RMDN3: variants seen among roughly 807,000 people sequenced by gnomAD.
RMDN3 encodes the protein regulator of microtubule dynamics protein 3.
A neutral mutation model predicts 61.8 loss-of-function variants in RMDN3; 41 were observed. That is an observed-to-expected ratio of 0.66 (90% confidence interval 0.52 to 0.86). RMDN3 has a LOEUF of 0.86. Among genes scored for constraint, RMDN3 ranks in the 40% least tolerant of loss-of-function variants. The pLI is 0.00. For missense variants in RMDN3, 557 were observed against 585.3 expected (o/e 0.95, Z 0.50); for synonymous variants, 247 against 232.0 (o/e 1.06, Z -0.59).
chr15:40,747,031 C>T (rs763741283), intron 4 of RMDN3, among the ~76,000 whole-genome samples: 3 of 152,160 alleles, frequency 2.0e-5, no homozygotes, highest in Non-Finnish European at 4.4e-5. Flanking sequence ...AAAATCAAAC[C>T]AGAGTCTCCT....
chr15:40,738,544 T>C lies in RMDN3; in HGVS notation c.1004A>G (p.His335Arg), dbSNP rs1199628441. The C allele has an allele frequency of 5.0e-6, 8 of 1,614,134 alleles. No homozygotes were observed. The South Asian group carries it at 6.6e-5, about 13-fold the overall frequency. Residue 335 changes from histidine (H) to arginine (R), a missense_variant, in exon 8 of 13, where the codon CAT becomes CGT. His to Arg is a conservative substitution (Grantham distance 29, BLOSUM62 0). Coordinates refer to ENST00000338376, the MANE Select transcript of RMDN3 (RefSeq NM_018145.3). ...CTGGATGCGCCTCTGGATGCTCTCA[T>C]GCTCAGCCAGCTGACCACAAAGCAC... is the stretch of plus-strand genomic sequence containing the variant. ...YAVLCGQLAE[H>R]ESIQRRIQSG...
chr15:40,754,937 C>G (rs898119158), intron 1 of RMDN3, 146 bp downstream of exon 1: 7 of 643,974 alleles, frequency 1.1e-5, no homozygotes, highest in African/African-American at 3.7e-5. Context: ...CTCTCGACTA[C>G]GTGCACCCCA....
chr15:40,752,312 C>T, intron 2 of RMDN3, 134 bp from the exon 3 acceptor site: 4 of 850,676 alleles, frequency 4.7e-6, no homozygotes, highest in Non-Finnish European at 7.1e-6. Flanking sequence ...CACACGTTCA[C>T]AGCCAGGTCA....
Position 40,736,517 on chromosome 15 carries a change from G to A in RMDN3, c.*24C>T. 4.3e-6 allele frequency: 7 copies of A among 1,610,448 alleles called. No homozygotes were observed. The highest frequency in any genetic ancestry group is 1.1e-5 in the South Asian group (1 of 91,008). On this transcript the variant is annotated 3_prime_UTR_variant, in exon 13 of 13. Coordinates refer to ENST00000338376, the MANE Select transcript of RMDN3 (RefSeq NM_018145.3). ...CCCCCACCTTAAATAGTGGCATCAA[G>A]TCATGAAGGCCAGTGAAACGTGGTT... is the stretch of plus-strand genomic sequence containing the variant.
chr15:40,744,254 G>T, intron 5 of RMDN3, 105 bp from the exon 6 acceptor site: 1 of 968,554 alleles, frequency 1.0e-6, no homozygotes, highest in Non-Finnish European at 1.6e-6. Context: ...AAGCTAGTAT[G>T]TTACAGTCAT....
rs747144620 is a variant in RMDN3 at position 40,751,514 on chromosome 15, G to A, written c.436C>T (p.Arg146Trp). The change falls in exon 4 of 13, where the codon CGG (arginine) becomes TGG (tryptophan). Residue 146 changes from arginine (R) to tryptophan (W), a missense_variant. Arg to Trp is a moderately radical substitution (Grantham distance 101). Coordinates refer to ENST00000338376, the MANE Select transcript of RMDN3 (RefSeq NM_018145.3). ...VARRRRFPFVRERSDSTGSSS... is the reference protein window; with the variant it reads ...VARRRRFPFVWERSDSTGSSS... ...GAGCCAGTGGAGTCACTCCTCTCCC[G>A]GACAAACGGAAACCTTCGCCGCCGA... 5 of 1,613,976 alleles carry A rather than the reference G, an allele frequency of 3.1e-6. No homozygotes were observed. Among genetic ancestry groups the A allele is most frequent in the African/African-American group, 2.7e-5 (2 of 74,898 alleles).
chr15:40,741,620 ATTTTT>A lies in RMDN3; in HGVS notation c.911-1432_911-1428del, dbSNP rs553262858. ...ACTGGAGAAGACACTGCAACATAGGATTTTTTTTTTTTTTTTTTTTTTTTTTGAGA... is the reference window on the plus strand; with the variant it reads ...ACTGGAGAAGACACTGCAACATAGGATTTTTTTTTTTTTTTTTTTTTGAGA... On this transcript the variant is annotated intron_variant, in intron 6 of 12. Transcript: ENST00000338376. Among the ~76,000 whole-genome samples the A allele has an allele frequency of 8.9e-4, 64 of 71,732 alleles. 1 individual carries two copies. Among genetic ancestry groups the A allele is most frequent in the African/African-American group, 2.0e-3 (39 of 19,048 alleles). The allele number at this position is 71,732 out of a possible 152,430, so 47.1% of individuals were successfully genotyped here. A position where few individuals can be genotyped will look rare whatever the true frequency, so the allele number is the denominator to read the frequency against.
In RMDN3 at chr15:40,738,587, A is replaced by G; in HGVS notation, c.972-11T>C. On this transcript the variant is annotated splice_polypyrimidine_tract_variant and intron_variant, in intron 7 of 12. Transcript: ENST00000338376. ...CAAAGCACCGCATACCTAGGGGGGA[A>G]GCAGCAAGCTCAGGGACAAGGGCTG... The G allele has an allele frequency of 1.9e-6, 3 of 1,614,046 alleles. No individual in the cohort carries two copies. The highest frequency in any genetic ancestry group is 1.3e-5 in the African/African-American group (1 of 75,020).
At position 40,751,489 on chromosome 15, in the gene RMDN3, G is replaced by A. The variant is rs1251289439; in HGVS notation, c.461C>T (p.Ser154Phe). 1 of 1,614,186 alleles carries A rather than the reference G, an allele frequency of 6.2e-7. No individual in the cohort carries two copies. Among genetic ancestry groups the A allele is most frequent in the Non-Finnish European group, 8.5e-7 (1 of 1,180,040 alleles). ...FVRERSDSTG[S>F]SSVYFTASSG... ...GGAGGCCGTGAAGTAGACAGAGCTG[G>A]AGCCAGTGGAGTCACTCCTCTCCCG... is the stretch of plus-strand genomic sequence containing the variant. Residue 154 changes from serine to phenylalanine, a missense_variant, in exon 4 of 13, where the codon TCC becomes TTC. By Grantham distance (155) the Ser-to-Phe change is radical. Transcript: ENST00000338376.
chr15:40,748,001 C>T (rs1275194643), intron 4 of RMDN3, among the ~76,000 whole-genome samples: 6 of 152,114 alleles, frequency 3.9e-5, no homozygotes, highest in African/African-American at 1.4e-4. Flanking sequence ...GGAAGGCTTG[C>T]TGGAGGAGCT....
intron 4 of RMDN3, chr15:40,747,814 G>A (rs920085695): frequency 6.6e-6 from 1 of 152,060 alleles, no homozygotes; most frequent in Non-Finnish European, 1.5e-5. Context: ...CTCTCCTCCT[G>A]GCAATTAAGT....
intron 1 of RMDN3, 35 bp from the exon 2 acceptor site, chr15:40,754,825 C>T: frequency 2.0e-6 from 1 of 503,342 alleles, no homozygotes; most frequent in Non-Finnish European, 3.0e-6. Flanking sequence ...AGCAGGCAGG[C>T]GGGCGGGCGG....
intron 10 of RMDN3, 100 bp downstream of exon 10, chr15:40,737,528 C>G: frequency 1.6e-6 from 2 of 1,221,726 alleles, no homozygotes; most frequent in Non-Finnish European, 2.4e-6. Context: ...CAAAATTGCC[C>G]CCGACTAGGA....
rs778262603 is a variant in RMDN3, at chr15:40,752,213, C to T, written c.188-35G>A. 12 of 1,598,124 alleles carry T rather than the reference C, an allele frequency of 7.5e-6. No homozygotes were observed. In the East Asian group the frequency reaches 2.2e-4, roughly 30 times the overall value. On this transcript the variant is annotated intron_variant, in intron 2 of 12. Transcript: ENST00000338376. The stretch of plus-strand genomic sequence containing the variant: ...GAAACGAATGGGAGCCAGTGACACA[C>T]AGGAATATGGTGGGGAAGAGATCTC...
chr15:40,751,794 C>T, intron 3 of RMDN3, 192 bp downstream of exon 3: 1 of 819,596 alleles, frequency 1.2e-6, no homozygotes, highest in Non-Finnish European at 1.9e-6. Flanking sequence ...TACAACAGAT[C>T]AACCATGAGA....
intron 4 of RMDN3, among the ~76,000 whole-genome samples, chr15:40,751,073 C>T (rs936768760): frequency 2.0e-5 from 3 of 152,230 alleles, no homozygotes; most frequent in Admixed American, 2.0e-4. Context: ...CAGGGAGGAG[C>T]ATGCTTCGTG....
At chr15:40,738,361 G>A (rs1015109014) in intron 8 of RMDN3, 140 bp downstream of exon 8, 26 of 782,482 alleles carry the variant, frequency 3.3e-5, no homozygotes, top group Admixed American at 1.7e-4. Flanking sequence ...CAGCTTGGGC[G>A]ATAGAGTGAG....
intron 2 of RMDN3, among the ~76,000 whole-genome samples, chr15:40,753,098 A>G (rs192921060): frequency 2.6e-5 from 4 of 152,342 alleles, no homozygotes. Flanking sequence ...TTACCACAAG[A>G]TTATAAAATG....
At position 40,737,712 on chromosome 15, in the gene RMDN3, G is replaced by C; in HGVS notation, c.1140C>G (p.Ser380Arg). Residue 380 changes from serine to arginine, a missense_variant, in exon 10 of 13, where the codon AGC becomes AGG. By Grantham distance (110) the Ser-to-Arg change is moderately radical (BLOSUM62 -1). Transcript: ENST00000338376. ...CTGTAGCAGTTTTTTTTTCTAGCCA[G>C]CTCAGGTGAGAGACCTGCCACAAAA... is the stretch of plus-strand genomic sequence containing the variant. Reference protein sequence around the residue: ...GRWCYQVSHLSWLEKKTATAL... With the variant: ...GRWCYQVSHLRWLEKKTATAL... 1.2e-6 allele frequency: 2 copies of C among 1,614,026 alleles called. No individual in the cohort carries two copies. Among genetic ancestry groups the C allele is most frequent in the Non-Finnish European group, 1.7e-6 (2 of 1,179,964 alleles).
Sources: gnomAD v4.1 joint callset for allele counts (sites outside exome capture counted in the v4.1 genomes callset) on GRCh38, gnomAD v4.1.1 for gene constraint, MANE v1.5 for transcripts, NCBI Gene and HGNC (gene_info 2026-07-23, HGNC 2026-07-21) for gene names.